Variants in WDFY4 observed in about 807,000 individuals in gnomAD.
The protein encoded by WDFY4 is WD repeat- and FYVE domain-containing protein 4.
Under a neutral mutation model 351.9 loss-of-function variants are expected in WDFY4, and 169 were observed. The ratio of observed to expected loss-of-function variants is 0.48; its 90% CI spans 0.42 to 0.55. WDFY4 has a LOEUF of 0.55. Ranked by LOEUF, WDFY4 falls within the 20% of genes least tolerant of loss-of-function variation. WDFY4 has a pLI of 0.00. For synonymous variants in WDFY4, 1,622 were observed against 1,574.6 expected, an observed-to-expected ratio of 1.03 and a Z score of -0.71; for missense variants, 3,803 against 3,935.6, an observed-to-expected ratio of 0.97 and a Z score of 0.90.
In WDFY4 at chr10:48,720,069, A is replaced by G. The variant is rs1287272200; in HGVS notation, c.293A>G (p.Asp98Gly). Residue 98 changes from aspartate to glycine, a missense_variant, in exon 3 of 62, where the codon GAC becomes GGC. Physicochemically the swap from Asp to Gly is moderately conservative, Grantham distance 94 (BLOSUM62 -1). This residue lies in a region of WDFY4 where 488 missense variants were observed against 456.8 expected (regional missense o/e 1.07). Transcript: ENST00000325239. ...CFPSLQRLAE[D>G]VSDQLAQQLQ... ...CCCAGTCTCCAAAGGCTGGCTGAAGACGTGTCTGACCAGCTTGCCCAGCAA... is the reference window on the plus strand; with the variant it reads ...CCCAGTCTCCAAAGGCTGGCTGAAGGCGTGTCTGACCAGCTTGCCCAGCAA... 2 of 1,551,772 alleles carry G rather than the reference A, an allele frequency of 1.3e-6. No homozygotes were observed. Among genetic ancestry groups the G allele is most frequent in the Admixed American group, 3.9e-5 (2 of 51,000 alleles).
chr10:48,745,496 A>G, intron 12 of WDFY4: 1 of 265,174 alleles, frequency 3.8e-6, no homozygotes, highest in Admixed American at 5.2e-5. Context: ...GGCTTGAAAT[A>G]TCAGCTTTTT....
chr10:48,852,682 A>G (rs2068997548), intron 39 of WDFY4, among the ~76,000 whole-genome samples: 1 of 152,142 alleles, frequency 6.6e-6, no homozygotes, highest in Non-Finnish European at 1.5e-5. Flanking sequence ...CACCAGCTAC[A>G]GCCTCATCCC....
intron 53 of WDFY4, among the ~76,000 whole-genome samples, chr10:48,962,742 T>G (rs1841917603): frequency 6.6e-6 from 1 of 152,170 alleles, no homozygotes; most frequent in Non-Finnish European, 1.5e-5. Context: ...ACTTCTCACT[T>G]AAAGGTTGTA....
chr10:48,820,158 T>C (rs2132984373), intron 32 of WDFY4, 76 bp from the exon 33 acceptor site: 10 of 1,480,234 alleles, frequency 6.8e-6, no homozygotes, highest in Non-Finnish European at 9.2e-6. Flanking sequence ...AATCCGCCCA[T>C]GTACATGGCA....
chr10:48,934,131 A>G (rs1840206129), intron 47 of WDFY4, among the ~76,000 whole-genome samples: 2 of 152,206 alleles, frequency 1.3e-5, no homozygotes, highest in Non-Finnish European at 2.9e-5. Flanking sequence ...GTGACTTTGC[A>G]TAAGTTTCTT....
At chr10:48,805,857 T>C in intron 26 of WDFY4, 147 bp from the exon 27 acceptor site, 2 of 716,014 alleles carry the variant, frequency 2.8e-6, no homozygotes, top group Non-Finnish European at 5.0e-6. Context: ...TAGAAGTCTC[T>C]GGAAATACAC....
At position 48,982,534 on chromosome 10, in the gene WDFY4, G is replaced by A. The variant is rs768368876; in HGVS notation, c.9514G>A (p.Asp3172Asn). 74 of 1,532,868 alleles carry A rather than the reference G, an allele frequency of 4.8e-5. No homozygotes were observed. The allele number at this position is 1,532,868 out of a possible 1,614,324, so 95.0% of individuals were successfully genotyped here. ...SRNHTKLLVGDERGRIFCWSA... is the reference protein window; with the variant it reads ...SRNHTKLLVGNERGRIFCWSA... ...AAACCACACCAAACTCCTGGTTGGT[G>A]ATGAGAGGGGGAGAATATTCTGCTG... The change falls in exon 62 of 62, where the codon GAT (aspartate) becomes AAT (asparagine). Residue 3172 changes from aspartate to asparagine, a missense_variant. Coordinates refer to ENST00000325239, the MANE Select transcript of WDFY4 (RefSeq NM_001394531.1).
chr10:48,848,952 C>T (rs2133162815), intron 39 of WDFY4, among the ~76,000 whole-genome samples: 1 of 152,306 alleles, frequency 6.6e-6, no homozygotes, highest in South Asian at 2.1e-4. Flanking sequence ...AGTGGGTTAC[C>T]ATTGCGTCCA....
chr10:48,893,015 T>A (rs1836891695), intron 44 of WDFY4, among the ~76,000 whole-genome samples: 1 of 152,216 alleles, frequency 6.6e-6, no homozygotes, highest in South Asian at 2.1e-4. Context: ...AAATGTGTTG[T>A]TTCATAGTCC....
At chr10:48,754,668 T>C (rs2065280869) in intron 12 of WDFY4, among the ~76,000 whole-genome samples, 1 of 152,102 alleles carries the variant, frequency 6.6e-6, no homozygotes, top group African/African-American at 2.4e-5. Flanking sequence ...ACCCTTCCCC[T>C]CACACCCAGG....
chr10:48,979,771 GT>G (rs1842737031), intron 60 of WDFY4: 1 of 152,208 alleles, frequency 6.6e-6, no homozygotes, highest in African/African-American at 2.4e-5. Context: ...GCACTCACTG[GT>G]CATGGGGTCT....
In WDFY4 at chr10:48,897,611, G is replaced by A. The variant is rs760645977; in HGVS notation, c.7437+37G>A. On this transcript the variant is annotated intron_variant, in intron 45 of 61. Coordinates refer to ENST00000325239, the MANE Select transcript of WDFY4 (RefSeq NM_001394531.1). ...GGGTGCTGGCACGCCTGGGGCCTGC[G>A]AGAGGCAGGGCCATGGGACAGGTGG... 15 of 1,535,196 alleles carry A rather than the reference G, an allele frequency of 9.8e-6. No homozygotes were observed. The African/African-American group carries it at 1.4e-4, about 14-fold the overall frequency.
At chr10:48,898,793 A>C (rs1837215485) in intron 45 of WDFY4, among the ~76,000 whole-genome samples, 1 of 152,158 alleles carries the variant, frequency 6.6e-6, no homozygotes, top group Non-Finnish European at 1.5e-5. Context: ...AGGAGCAGGA[A>C]GAGCAGAGTG....
chr10:48,955,764 C>T (rs1175645524), intron 51 of WDFY4, among the ~76,000 whole-genome samples: 1 of 152,198 alleles, frequency 6.6e-6, no homozygotes, highest in Non-Finnish European at 1.5e-5. Context: ...CTCCACCCAC[C>T]CCTGCAGCTG....
intron 39 of WDFY4, among the ~76,000 whole-genome samples, chr10:48,863,944 G>A (rs113354560): frequency 2.6e-3 from 403 of 152,134 alleles, no homozygotes; most frequent in African/African-American, 8.9e-3. Flanking sequence ...ATCAGATCTC[G>A]TTAGAACTCA....
At chr10:48,898,451 T>A (rs918886707) in intron 45 of WDFY4, among the ~76,000 whole-genome samples, 1 of 152,150 alleles carries the variant, frequency 6.6e-6, no homozygotes, top group Non-Finnish European at 1.5e-5. Context: ...CTCTACAGGA[T>A]CACTTAGTTC....
intron 39 of WDFY4, 78 bp downstream of exon 39, chr10:48,832,787 G>C (rs2133070548): frequency 2.1e-6 from 3 of 1,415,736 alleles, no homozygotes; most frequent in Non-Finnish European, 1.9e-6. Context: ...CTTCTTTGCT[G>C]CCTGTTACTA....
intron 1 of WDFY4, among the ~76,000 whole-genome samples, chr10:48,706,481 G>A (rs17011111): frequency 0.21 from 31,298 of 152,102 alleles, 3,319 homozygotes; most frequent in Middle Eastern, 0.27. Flanking sequence ...CAGCAAATGC[G>A]CAGTGAGAAA....
intron 35 of WDFY4, chr10:48,823,733 C>A (rs1289311722): frequency 1.1e-5 from 11 of 992,588 alleles, no homozygotes; most frequent in Non-Finnish European, 1.3e-5. Context: ...AACATAGGTG[C>A]CAGTGGGGGC....
Sources: gnomAD v4.1 joint callset for allele counts (sites outside exome capture counted in the v4.1 genomes callset) on GRCh38, gnomAD v4.1.1 for gene constraint, gnomAD v4.1.1 regional missense constraint, MANE v1.5 for transcripts, NCBI Gene and HGNC (gene_info 2026-07-23, HGNC 2026-07-21) for gene names.